The following RASAL2 variants were observed in gnomAD, a reference collection of about 807,000 sequenced individuals.
The protein encoded by RASAL2 is ras GTPase-activating protein nGAP.
A neutral mutation model predicts 128.9 loss-of-function variants in RASAL2; 58 were observed. The observed-to-expected ratio is 0.45, with a 90% CI of 0.36 to 0.56. The LOEUF (loss-of-function observed/expected upper bound fraction) is 0.56, where lower values mean the gene tolerates loss of function less well. Among genes scored for constraint, RASAL2 ranks in the 20% least tolerant of loss-of-function variants. RASAL2 has a pLI of 0.00. For missense variants in RASAL2, 1,360 were observed against 1,601.6 expected, an observed-to-expected ratio of 0.85 and a Z score of 2.57; for synonymous variants, 561 against 580.8, an observed-to-expected ratio of 0.97 and a Z score of 0.49.
At chr1:178,152,464 G>A (rs978344527) in intron 1 of RASAL2, among the ~76,000 whole-genome samples, 3 of 152,154 alleles carry the variant, frequency 2.0e-5, no homozygotes, top group Non-Finnish European at 2.9e-5. Flanking sequence ...TTTATAGCTG[G>A]TCAGTCAGAA....
Position 178,473,179 on chromosome 1 carries a change from C to A in RASAL2, c.3783C>A (p.Pro1261=), listed in dbSNP as rs765521035. 1 of 1,614,188 alleles carries A rather than the reference C, an allele frequency of 6.2e-7. No homozygotes were observed. The highest frequency in any genetic ancestry group is 1.7e-5 in the Admixed American group (1 of 60,020). ...YSMQVRNGIS[P]TNPTKLSITE... ...TGCAGGTCCGCAATGGCATCTCCCC[C>A]ACCAACCCCACCAAGCTTTCCATCA... Residue 1261 remains proline, a synonymous_variant, in exon 18 of 18, where the codon CCC becomes CCA. Transcript: ENST00000367649.
chr1:178,323,364 G>A (rs1668885797), intron 3 of RASAL2, among the ~76,000 whole-genome samples: 1 of 152,192 alleles, frequency 6.6e-6, no homozygotes. Flanking sequence ...TGACTTTCAG[G>A]TGGAGCATGT....
At chr1:178,144,340 G>T (rs1040151271) in intron 1 of RASAL2, among the ~76,000 whole-genome samples, 12 of 152,262 alleles carry the variant, frequency 7.9e-5, no homozygotes, top group African/African-American at 2.9e-4. Context: ...TCTGTGGAAT[G>T]AGTTCAACAT....
intron 3 of RASAL2, among the ~76,000 whole-genome samples, chr1:178,327,665 GA>G (rs1273896326): frequency 6.6e-6 from 1 of 152,108 alleles, no homozygotes; most frequent in Non-Finnish European, 1.5e-5. Context: ...GTTCATTGTT[GA>G]ATCAGAAAGC....
At chr1:178,225,442 C>T (rs976069325) in intron 1 of RASAL2, among the ~76,000 whole-genome samples, 1 of 151,844 alleles carries the variant, frequency 6.6e-6, no homozygotes, top group African/African-American at 2.4e-5. Context: ...GGATCATGGT[C>T]TACTTTTTAT....
At chr1:178,318,840 T>G (rs1668616938) in intron 3 of RASAL2, among the ~76,000 whole-genome samples, 1 of 152,132 alleles carries the variant, frequency 6.6e-6, no homozygotes. Context: ...GTCATTATGA[T>G]GTTAGCTGGT....
intron 3 of RASAL2, among the ~76,000 whole-genome samples, chr1:178,375,729 G>C (rs1671954575): frequency 6.6e-6 from 1 of 152,076 alleles, no homozygotes; most frequent in Non-Finnish European, 1.5e-5. Flanking sequence ...AGAGGAATGG[G>C]GAACAAAATG....
chr1:178,286,919 A>G (rs1571782716), intron 2 of RASAL2, among the ~76,000 whole-genome samples: 1 of 152,170 alleles, frequency 6.6e-6, no homozygotes, highest in Non-Finnish European at 1.5e-5. Context: ...CATATTCACA[A>G]TTGTGTGCAT....
intron 1 of RASAL2, among the ~76,000 whole-genome samples, chr1:178,269,791 T>C (rs1355929938): frequency 2.0e-5 from 3 of 152,220 alleles, no homozygotes; most frequent in Non-Finnish European, 2.9e-5. Flanking sequence ...GCTCTGTCTA[T>C]GGAGTAGCCA....
chr1:178,456,356 T>TC (rs1380030409), intron 12 of RASAL2: 1 of 275,082 alleles, frequency 3.6e-6, no homozygotes, highest in East Asian at 7.4e-5. Context: ...GCCTCCACCC[T>TC]CCCCCACCTT....
At chr1:178,141,193 C>CT (rs71297900) in intron 1 of RASAL2, among the ~76,000 whole-genome samples, 36,685 of 73,824 alleles carry the variant, frequency 0.5, 9,907 homozygotes, top group South Asian at 0.63. Flanking sequence ...CTTTTCTTTT[C>CT]TTTTTTTTTT....
chr1:178,303,991 G>A (rs1667880881), intron 3 of RASAL2, among the ~76,000 whole-genome samples: 1 of 145,054 alleles, frequency 6.9e-6, no homozygotes, highest in Admixed American at 7.0e-5. Flanking sequence ...TGGAGTGCCA[G>A]TGGTGTTCTG....
rs146552152 is a variant in RASAL2 at position 178,346,194 on chromosome 1, T to C, written c.458-43906T>C. Among the ~76,000 whole-genome samples, 50 of 152,110 alleles carry C rather than the reference T, an allele frequency of 3.3e-4. 1 individual carries two copies. The highest frequency in any genetic ancestry group is 6.5e-4 in the Non-Finnish European group (44 of 67,974). On this transcript the variant is annotated intron_variant, in intron 3 of 17. Coordinates refer to ENST00000367649, the MANE Select transcript of RASAL2 (RefSeq NM_170692.4). ...ACTTTGGGAGGCTGAATCAGGAGGA[T>C]TGCTTGAGGCCAGGCCTGGCAACAT...
At chr1:178,411,682 G>A (rs1356992261) in intron 4 of RASAL2, 4 of 821,750 alleles carry the variant, frequency 4.9e-6, no homozygotes, top group Non-Finnish European at 8.7e-6. Flanking sequence ...TGACACTTTT[G>A]TCCATGTCAC....
At chr1:178,235,186 A>G (rs1310709406) in intron 1 of RASAL2, among the ~76,000 whole-genome samples, 1 of 152,210 alleles carries the variant, frequency 6.6e-6, no homozygotes, top group Non-Finnish European at 1.5e-5. Flanking sequence ...GATCAAAGTA[A>G]AAGAATGTCA....
At chr1:178,218,398 A>G (rs1170402113) in intron 1 of RASAL2, among the ~76,000 whole-genome samples, 4 of 152,048 alleles carry the variant, frequency 2.6e-5, no homozygotes, top group African/African-American at 9.7e-5. Flanking sequence ...TAATATAGTC[A>G]GTATGCGGCC....
chr1:178,326,438 T>G (rs1340138822), intron 3 of RASAL2, among the ~76,000 whole-genome samples: 6 of 152,228 alleles, frequency 3.9e-5, no homozygotes, highest in Admixed American at 1.3e-4. Flanking sequence ...CTTTCAAAAT[T>G]TATTGTATAC....
intron 1 of RASAL2, among the ~76,000 whole-genome samples, chr1:178,113,393 C>T (rs1365871192): frequency 6.6e-6 from 1 of 151,956 alleles, no homozygotes; most frequent in Non-Finnish European, 1.5e-5. Flanking sequence ...TAGCTTTGAA[C>T]TCCTGGGCTC....
At chr1:178,273,198 G>A (rs1571754325) in intron 1 of RASAL2, among the ~76,000 whole-genome samples, 3 of 152,280 alleles carry the variant, frequency 2.0e-5, no homozygotes, top group Non-Finnish European at 4.4e-5. Flanking sequence ...CAAAAAGTAG[G>A]TTTGCCTAGG....
Sources: allele counts gnomAD v4.1 joint callset (sites outside exome capture counted in the v4.1 genomes callset), GRCh38; gene constraint gnomAD v4.1.1; transcripts MANE v1.5; gene names NCBI Gene and HGNC (gene_info 2026-07-23, HGNC 2026-07-21).